Variants in MBNL2 observed in about 807,000 individuals in gnomAD.
The protein encoded by MBNL2 is muscleblind like splicing regulator 2.
Under a neutral mutation model 41.9 loss-of-function variants are expected in MBNL2, and 17 were observed. That is an observed-to-expected ratio of 0.41 (90% confidence interval 0.28 to 0.61). The LOEUF (loss-of-function observed/expected upper bound fraction) is 0.61. Ranked by LOEUF, MBNL2 falls within the 20% of genes least tolerant of loss-of-function variation. MBNL2 has a pLI of 0.35. For missense variants in MBNL2, 336 were observed against 505.6 expected, an observed-to-expected ratio of 0.66 and a Z score of 3.22; for synonymous variants, 195 against 182.9, an observed-to-expected ratio of 1.07 and a Z score of -0.53.
intron 8 of MBNL2, among the ~76,000 whole-genome samples, chr13:97,369,556 G>C (rs764961279): frequency 1.1e-4 from 17 of 152,148 alleles, no homozygotes; most frequent in Non-Finnish European, 2.1e-4. Context: ...TTGTTAATTT[G>C]ATCAATTCAG....
At chr13:97,275,224 A>G (rs1377940878) in intron 1 of MBNL2, among the ~76,000 whole-genome samples, 1 of 152,186 alleles carries the variant, frequency 6.6e-6, no homozygotes, top group African/African-American at 2.4e-5. Context: ...CAAAATGACA[A>G]TATCTTTATT....
At chr13:97,207,801 C>A in the MBNL2 span, among the ~76,000 whole-genome samples, 18 of 152,338 alleles carry the variant, frequency 1.2e-4, no homozygotes, top group African/African-American at 3.8e-4. Context: ...CAAGACAAGG[C>A]AAGTCCCTTC....
At chr13:97,297,715 C>T (rs2057204744) in intron 2 of MBNL2, among the ~76,000 whole-genome samples, 1 of 152,176 alleles carries the variant, frequency 6.6e-6, no homozygotes, top group Admixed American at 6.5e-5. Flanking sequence ...GGCCTTGCTG[C>T]ATGTTGAGGA....
intron 1 of MBNL2, among the ~76,000 whole-genome samples, chr13:97,229,255 G>A (rs771945361): frequency 2.0e-5 from 3 of 151,408 alleles, no homozygotes; most frequent in African/African-American, 4.9e-5. Context: ...GTGGAGCTCA[G>A]TTTGGGTGGG....
chr13:97,273,771 C>T (rs1447014173), intron 1 of MBNL2, among the ~76,000 whole-genome samples: 1 of 152,162 alleles, frequency 6.6e-6, no homozygotes, highest in African/African-American at 2.4e-5. Flanking sequence ...AAGAAAAGCC[C>T]TATTGCAGGC....
At chr13:97,381,679 C>T (rs965454062) in intron 8 of MBNL2, among the ~76,000 whole-genome samples, 3 of 151,578 alleles carry the variant, frequency 2.0e-5, no homozygotes, top group African/African-American at 7.3e-5. Flanking sequence ...TTAACTTTCA[C>T]GTTTATTAAA....
chr13:97,306,443 T>G (rs1197782036), intron 2 of MBNL2, among the ~76,000 whole-genome samples: 1 of 152,254 alleles, frequency 6.6e-6, no homozygotes, highest in Non-Finnish European at 1.5e-5. Context: ...TTCCTCTTCT[T>G]CAAGGCACAT....
At chr13:97,144,113 G>C in the MBNL2 span, among the ~76,000 whole-genome samples, 1 of 152,198 alleles carries the variant, frequency 6.6e-6, no homozygotes, top group African/African-American at 2.4e-5. Context: ...CAAAGCACTA[G>C]GATTACGGGC....
the MBNL2 span, among the ~76,000 whole-genome samples, chr13:97,173,454 G>A: frequency 6.6e-6 from 1 of 152,194 alleles, no homozygotes; most frequent in Admixed American, 6.5e-5. Flanking sequence ...AGAGGAGTGA[G>A]GTCCAGCCTA....
rs779660678 is a variant in MBNL2, at chr13:97,366,476, G to A, written c.1048+1305G>A. The A allele has an allele frequency of 6.9e-6, 11 of 1,605,786 alleles. No homozygotes were observed. Among genetic ancestry groups the A allele is most frequent in the South Asian group, 1.1e-5 (1 of 90,880 alleles). On this transcript the variant is annotated intron_variant, in intron 8 of 8. Coordinates refer to ENST00000679496, the MANE Select transcript of MBNL2 (RefSeq NM_001382683.1). This position sits in a 1 kb window ranked among gnomAD's most constrained non-coding sequence, Gnocchi z 4.7. ...CCTGAAAGTACCCATGATGCACAGC[G>A]CTACGTCCGCCACTGTCTCTGCAGC...
chr13:97,359,565 C>T lies in MBNL2; in HGVS notation c.1012+1930C>T, dbSNP rs986482219. On this transcript the variant is annotated intron_variant, in intron 7 of 8. Coordinates refer to ENST00000679496, the MANE Select transcript of MBNL2 (RefSeq NM_001382683.1). ...AAGCAAGGATAAACAACATCCCTTA[C>T]GCAACGACCTGATTTTTGTTGATGA... 3.9e-5 allele frequency among the ~76,000 whole-genome samples: 6 copies of T among 152,190 alleles called. No homozygotes were observed. The East Asian group carries it at 5.8e-4, about 15-fold the overall frequency.
chr13:97,317,362 A>G (rs1389043671), intron 2 of MBNL2, among the ~76,000 whole-genome samples: 1 of 152,126 alleles, frequency 6.6e-6, no homozygotes, highest in Non-Finnish European at 1.5e-5. Context: ...CTCCCAGTGG[A>G]CCCCACAGAG....
At chr13:97,181,996 A>T in the MBNL2 span, among the ~76,000 whole-genome samples, 5 of 152,284 alleles carry the variant, frequency 3.3e-5, no homozygotes, top group Admixed American at 1.3e-4. Flanking sequence ...TAGGCTCATC[A>T]TTGCCACTGG....
At position 97,287,078 on chromosome 13, in the gene MBNL2, C is replaced by T. The variant is rs567959179; in HGVS notation, c.174+10669C>T. On this transcript the variant is annotated intron_variant, in intron 2 of 8. Coordinates refer to ENST00000679496, the MANE Select transcript of MBNL2 (RefSeq NM_001382683.1). ...TGGCTGACTATTACTCAGTTTTTCC[C>T]ATTAATGTACAAACAGAAAAACATC... 2.6e-5 allele frequency among the ~76,000 whole-genome samples: 4 copies of T among 152,300 alleles called. No homozygotes were observed. In the South Asian group the frequency reaches 6.2e-4, roughly 24 times the overall value.
At chr13:97,333,514 T>C (rs61972775) in intron 2 of MBNL2, among the ~76,000 whole-genome samples, 1,848 of 152,320 alleles carry the variant, frequency 0.012, 22 homozygotes, top group Non-Finnish European at 0.017. Context: ...GCAAGGCAGG[T>C]ATATAGAGTG....
At chr13:97,252,824 A>G (rs1272957197) in intron 1 of MBNL2, among the ~76,000 whole-genome samples, 1 of 152,186 alleles carries the variant, frequency 6.6e-6, no homozygotes, top group African/African-American at 2.4e-5. Context: ...GAAGATAATG[A>G]TAACATTTTC....
rs1555316674 is a variant in MBNL2 at position 97,339,870 on chromosome 13, T to TGG, written c.340-3144_340-3143dup. On this transcript the variant is annotated intron_variant, in intron 3 of 8. Transcript: ENST00000679496. ...AACATACGGGCAACTGATTTGTGTG[T>TGG]GGGCGGGGGGGGCGTTGTTTTTCCT... 3.5e-4 allele frequency among the ~76,000 whole-genome samples: 28 copies of TGG among 80,476 alleles called. 1 individual carries two copies. The highest frequency in any genetic ancestry group is 1.3e-3 in the African/African-American group (21 of 15,912). The allele number at this position is 80,476 out of a possible 152,430, so 52.8% of individuals were successfully genotyped here. A position where few individuals can be genotyped will look rare whatever the true frequency, so the allele number is the denominator to read the frequency against.
At chr13:97,278,277 A>AAAAAAAAAG (rs2052608582) in intron 2 of MBNL2, among the ~76,000 whole-genome samples, 1 of 136,494 alleles carries the variant, frequency 7.3e-6, no homozygotes, top group African/African-American at 2.7e-5. Flanking sequence ...AAAAAAAAAA[A>AAAAAAAAAG]GCAGTGTAGA....
chr13:97,151,207 A>C, the MBNL2 span, among the ~76,000 whole-genome samples: 2 of 152,188 alleles, frequency 1.3e-5, no homozygotes, highest in Admixed American at 6.5e-5. Context: ...TGCACTTCAG[A>C]AACCAGGAAT....
Sources: gnomAD v4.1 joint callset for allele counts (sites outside exome capture counted in the v4.1 genomes callset) on GRCh38, gnomAD v4.1.1 for gene constraint, Gnocchi (gnomAD v3.1) non-coding constraint, MANE v1.5 for transcripts, NCBI Gene and HGNC (gene_info 2026-07-23, HGNC 2026-07-21) for gene names.